PAK5: variants seen among roughly 807,000 people sequenced by gnomAD.
The protein encoded by PAK5 is serine/threonine-protein kinase PAK 5.
PAK5 carries 16 observed loss-of-function variants against 65.9 expected under a neutral mutation model. The observed-to-expected ratio is 0.24, with a 90% CI of 0.16 to 0.37. PAK5 has a LOEUF of 0.37. Among genes scored for constraint, PAK5 ranks in the 10% least tolerant of loss-of-function variants. The pLI is 1.00. For synonymous variants in PAK5, 371 were observed against 354.9 expected (o/e 1.05, Z -0.51); for missense variants, 785 against 903.9 (o/e 0.87, Z 1.69).
At chr20:9,802,603 C>T in intron 1 of PAK5, among the ~76,000 whole-genome samples, 1 of 151,530 alleles carries the variant, frequency 6.6e-6, no homozygotes, top group Admixed American at 6.6e-5. Flanking sequence ...TGAATGTTTC[C>T]CATTCAAAAT....
In PAK5 at chr20:9,596,615, G is replaced by A. The variant is rs1055323248; in HGVS notation, c.205-15685C>T. ...AGCACTACTGCACTCCAGCCTGGGC[G>A]ACAGAGCGAGACTCCGTCTCAAAAA... is the stretch of plus-strand genomic sequence containing the variant. On this transcript the variant is annotated intron_variant, in intron 3 of 9. Transcript: ENST00000353224. Among the ~76,000 whole-genome samples, 17 of 120,722 alleles carry A rather than the reference G, an allele frequency of 1.4e-4. No homozygotes were observed. In the East Asian group the frequency reaches 1.5e-3, roughly 11 times the overall value. 79.2% of individuals were successfully genotyped at this position (120,722 alleles called of 152,430 possible). A position where few individuals can be genotyped will look rare whatever the true frequency, so the allele number is the denominator to read the frequency against.
intron 2 of PAK5, among the ~76,000 whole-genome samples, chr20:9,648,002 T>C (rs1029837191): frequency 3.3e-5 from 5 of 152,076 alleles, no homozygotes; most frequent in African/African-American, 1.2e-4. Context: ...TGGCAGAATA[T>C]TTCTTCTCTC....
intron 1 of PAK5, among the ~76,000 whole-genome samples, chr20:9,751,106 T>A (rs983234830): frequency 6.6e-6 from 1 of 152,198 alleles, no homozygotes; most frequent in Non-Finnish European, 1.5e-5. Context: ...TAAGAGATTA[T>A]ATGAATAATT....
intron 2 of PAK5, among the ~76,000 whole-genome samples, chr20:9,657,417 T>G (rs1467547204): frequency 6.6e-6 from 1 of 152,062 alleles, no homozygotes; most frequent in Non-Finnish European, 1.5e-5. Context: ...GTTTGGTTGT[T>G]TCTAGTTTTT....
At chr20:9,814,212 G>A (rs577769160) in intron 1 of PAK5, among the ~76,000 whole-genome samples, 7 of 152,190 alleles carry the variant, frequency 4.6e-5, no homozygotes, top group Non-Finnish European at 1.0e-4. Context: ...AACAAGGCAA[G>A]GAGTTTACAT....
chr20:9,575,506 A>C (rs1216931805), intron 4 of PAK5: 2 of 152,216 alleles, frequency 1.3e-5, no homozygotes, highest in East Asian at 1.9e-4. Flanking sequence ...TTAAAAAATC[A>C]AACAAGACTA....
At chr20:9,636,009 G>T (rs949791334) in intron 3 of PAK5, among the ~76,000 whole-genome samples, 1 of 152,142 alleles carries the variant, frequency 6.6e-6, no homozygotes, top group African/African-American at 2.4e-5. Flanking sequence ...GGCACTAAAA[G>T]AAATAACTCC....
chr20:9,602,802 A>G (rs897170152), intron 3 of PAK5, among the ~76,000 whole-genome samples: 3 of 152,244 alleles, frequency 2.0e-5, no homozygotes, highest in Non-Finnish European at 2.9e-5. Context: ...ATCCAAGGAT[A>G]TTCCCCATCT....
At chr20:9,681,059 G>A (rs752970832) in intron 2 of PAK5, among the ~76,000 whole-genome samples, 14 of 152,094 alleles carry the variant, frequency 9.2e-5, no homozygotes, top group Non-Finnish European at 1.5e-4. Context: ...CGTCTATGTT[G>A]AGGCTGTATT....
chr20:9,810,024 G>A (rs565944113), intron 1 of PAK5, among the ~76,000 whole-genome samples: 5 of 152,098 alleles, frequency 3.3e-5, no homozygotes, highest in Non-Finnish European at 5.9e-5. Flanking sequence ...ATCCTCCCGA[G>A]ACTCATTCCT....
At chr20:9,830,103 A>G (rs1045735102) in intron 1 of PAK5, among the ~76,000 whole-genome samples, 1 of 152,244 alleles carries the variant, frequency 6.6e-6, no homozygotes, top group Non-Finnish European at 1.5e-5. Flanking sequence ...TTTGTTGCAG[A>G]GGAGCAGTGC....
chr20:9,828,486 G>A (rs971586934), intron 1 of PAK5, among the ~76,000 whole-genome samples: 1 of 152,076 alleles, frequency 6.6e-6, no homozygotes, highest in Non-Finnish European at 1.5e-5. Context: ...CATAGCAACT[G>A]TTCCTACTTT....
intron 1 of PAK5, among the ~76,000 whole-genome samples, chr20:9,836,594 C>A (rs968988922): frequency 4.6e-5 from 7 of 152,158 alleles, no homozygotes; most frequent in Non-Finnish European, 1.0e-4. Context: ...GACCTCTAGC[C>A]TCCAGAACCA....
Position 9,580,860 on chromosome 20 carries a change from A to T in PAK5, c.275T>A (p.Ile92Asn). Residue 92 changes from isoleucine (I) to asparagine (N), a missense_variant, in exon 4 of 10, where the codon ATC becomes AAC. Physicochemically the swap from Ile to Asn is moderately radical, Grantham distance 149. Around this residue, in one of 4 missense-constraint regions of PAK5, gnomAD observed 422 missense variants for 413.3 expected, o/e 1.02. Coordinates refer to ENST00000353224, the MANE Select transcript of PAK5 (RefSeq NM_177990.4). ...TAGGGAGTTGGAGCGAGTCACCGAG[A>T]TGTTGTCAAAATCCTCTAGCAGGCC... ...INGLLEDFDN[I>N]SVTRSNSLRK... is the part of the protein sequence containing the mutation. 1 of 1,613,340 alleles carries T rather than the reference A, an allele frequency of 6.2e-7. No homozygotes were observed. Among genetic ancestry groups the T allele is most frequent in the East Asian group, 2.2e-5 (1 of 44,872 alleles).
rs376956921 is a variant in PAK5 at position 9,625,926 on chromosome 20, T to C, written c.204+18199A>G. Among the ~76,000 whole-genome samples the C allele has an allele frequency of 1.2e-4, 18 of 152,326 alleles. No individual in the cohort carries two copies. The South Asian group carries it at 2.5e-3, about 21-fold the overall frequency. ...CAAAATCAAATCAGTGACAAAACCA[T>C]GAAGATCATAGGATTTGGAAGGTGA... On this transcript the variant is annotated intron_variant, in intron 3 of 9. Coordinates refer to ENST00000353224, the MANE Select transcript of PAK5 (RefSeq NM_177990.4).
intron 2 of PAK5, among the ~76,000 whole-genome samples, chr20:9,686,353 C>T (rs892559324): frequency 3.3e-5 from 5 of 152,118 alleles, no homozygotes; most frequent in African/African-American, 1.2e-4. Context: ...GAGACACAGG[C>T]CAGGGTATTT....
intron 4 of PAK5, among the ~76,000 whole-genome samples, chr20:9,578,875 A>C (rs1161035255): frequency 1.3e-5 from 2 of 152,192 alleles, no homozygotes; most frequent in African/African-American, 4.8e-5. Flanking sequence ...GAGATAAAAA[A>C]AAAACACTGT....
chr20:9,672,597 C>T (rs6516486), intron 2 of PAK5, among the ~76,000 whole-genome samples: 7,413 of 151,908 alleles, frequency 0.049, 579 homozygotes, highest in African/African-American at 0.17. Flanking sequence ...CACCTTCTGC[C>T]GTGATTGTGA....
chr20:9,636,370 G>A (rs1600176489), intron 3 of PAK5, among the ~76,000 whole-genome samples: 2 of 152,072 alleles, frequency 1.3e-5, no homozygotes, highest in South Asian at 4.2e-4. Flanking sequence ...CTCAAGAATG[G>A]GATGGCCAGA....
Sources: allele counts gnomAD v4.1 joint callset (sites outside exome capture counted in the v4.1 genomes callset), GRCh38; gene constraint gnomAD v4.1.1; regional missense constraint gnomAD v4.1.1; transcripts MANE v1.5; gene names NCBI Gene and HGNC (gene_info 2026-07-23, HGNC 2026-07-21).